MAP3K10: variants seen among roughly 807,000 people sequenced by gnomAD.
MAP3K10 encodes the protein MKN28 derived nonreceptor_type serine/threonine kinase.
In MAP3K10, 22 loss-of-function variants were observed where a neutral mutation model predicts 75.0. That is an observed-to-expected ratio of 0.29 (90% CI 0.21 to 0.42). MAP3K10 has a LOEUF of 0.42. Ranked by LOEUF, MAP3K10 falls within the 10% of genes least tolerant of loss-of-function variation. The pLI is 1.00. For missense variants in MAP3K10, 1,165 were observed against 1,379.8 expected (o/e 0.84, Z 2.47); for synonymous variants, 599 against 612.9 (o/e 0.98, Z 0.34).
At chr19:40,206,926 C>T (rs957326413) in intron 5 of MAP3K10, among the ~76,000 whole-genome samples, 2 of 152,050 alleles carry the variant, frequency 1.3e-5, no homozygotes, top group East Asian at 1.9e-4. Context: ...GGTGAAATCC[C>T]GCCTCTACTA....
rs1046744 is a variant in MAP3K10, at chr19:40,192,421, C to T, written c.390C>T (p.Asp130=). Residue 130 remains aspartate (D), a synonymous_variant, in exon 1 of 10, where the codon GAC becomes GAT. Transcript: ENST00000253055. The surrounding 1 kb of genome is among the most constrained non-coding windows in gnomAD (Gnocchi z 7.1). ...TGGCAGTCAAGGCCGCCCGGCTGGA[C>T]CCTGAGAAGGACCCGGCAGTGACAG... The part of the protein sequence containing the change: ...EEVAVKAARL[D]PEKDPAVTAE... 2 of 1,613,906 alleles carry T rather than the reference C, an allele frequency of 1.2e-6. No homozygotes were observed. Among genetic ancestry groups the T allele is most frequent in the Non-Finnish European group, 1.7e-6 (2 of 1,179,980 alleles).
chr19:40,214,040 C>T lies in MAP3K10; in HGVS notation c.2361C>T (p.Pro787=), dbSNP rs1317174116. 8 of 1,536,206 alleles carry T rather than the reference C, an allele frequency of 5.2e-6. No homozygotes were observed. The highest frequency in any genetic ancestry group is 4.2e-5 in the African/African-American group (3 of 72,100). Residue 787 remains proline (P), a synonymous_variant, in exon 9 of 10, where the codon CCC becomes CCT. Coordinates refer to ENST00000253055, the MANE Select transcript of MAP3K10 (RefSeq NM_002446.4). ...PPSPPAPTPT[P]SPSTNPLVDL... ...CCCCGCCCGCGCCCACACCCACGCCCTCGCCCAGCACCAACCCCCTGGTGG... is the reference window on the plus strand; with the variant it reads ...CCCCGCCCGCGCCCACACCCACGCCTTCGCCCAGCACCAACCCCCTGGTGG...
chr19:40,209,039 A>G (rs1490433271), intron 5 of MAP3K10, 64 bp from the exon 6 acceptor site: 2 of 1,206,894 alleles, frequency 1.7e-6, no homozygotes, highest in African/African-American at 3.0e-5. Flanking sequence ...CTTCTACAGA[A>G]GAAAATTCCC....
intron 5 of MAP3K10, among the ~76,000 whole-genome samples, chr19:40,208,363 T>TTTA (rs1555756666): frequency 1.8e-5 from 2 of 111,892 alleles, no homozygotes; most frequent in African/African-American, 3.6e-5. Context: ...TTTTTTTTTT[T>TTTA]TTTTTTGTAT....
intron 1 of MAP3K10, among the ~76,000 whole-genome samples, chr19:40,195,281 G>A (rs1243130967): frequency 2.0e-5 from 3 of 152,004 alleles, no homozygotes; most frequent in Non-Finnish European, 4.4e-5. Flanking sequence ...AAGGGGGACT[G>A]ACTTAGGCCC....
chr19:40,205,503 C>A lies in MAP3K10; in HGVS notation c.1188+207C>A. The A allele has an allele frequency of 1.7e-6, 1 of 584,536 alleles. No individual in the cohort carries two copies. The highest frequency in any genetic ancestry group is 3.0e-6 in the Non-Finnish European group (1 of 330,242). 36.2% of individuals were successfully genotyped at this position (584,536 alleles called of 1,614,324 possible). A position where few individuals can be genotyped will look rare whatever the true frequency, so the allele number is the denominator to read the frequency against. ...TGTACTGAAGTACTTACAGGTGACA[C>A]TGCATGATGTCTGGGGTTGGCTTTA... On this transcript the variant is annotated intron_variant, in intron 4 of 9. Transcript: ENST00000253055. This position sits in a 1 kb window ranked among gnomAD's most constrained non-coding sequence, Gnocchi z 4.3.
In MAP3K10 at chr19:40,198,591, G is replaced by T. The variant is rs1208775175; in HGVS notation, c.863+36G>T. ...GCGCGGCCGGGATGGCCTCTGGGGA[G>T]TAAGGGAGGGAGGAAGGGGTGAGGG... On this transcript the variant is annotated intron_variant, in intron 2 of 9. Transcript: ENST00000253055. The surrounding 1 kb of genome is among the most constrained non-coding windows in gnomAD (Gnocchi z 4.3). 1 of 1,570,856 alleles carries T rather than the reference G, an allele frequency of 6.4e-7. No individual in the cohort carries two copies. The highest frequency in any genetic ancestry group is 8.7e-7 in the Non-Finnish European group (1 of 1,152,464).
Position 40,212,982 on chromosome 19 carries a change from G to A in MAP3K10, c.1724+6G>A. 6.3e-7 allele frequency: 1 copy of A among 1,597,642 alleles called. No homozygotes were observed. Among genetic ancestry groups the A allele is most frequent in the Non-Finnish European group, 8.5e-7 (1 of 1,171,316 alleles). On this transcript the variant is annotated splice_donor_region_variant and intron_variant, in intron 7 of 9. Transcript: ENST00000253055. This position sits in a 1 kb window ranked among gnomAD's most constrained non-coding sequence, Gnocchi z 4.2. ...CGGGTGGGAGGAGAGGAGAGGTGAGGTGTGGTGTGGTCATGCCCACCCTGT... is the reference window on the plus strand; with the variant it reads ...CGGGTGGGAGGAGAGGAGAGGTGAGATGTGGTGTGGTCATGCCCACCCTGT...
In MAP3K10 at chr19:40,206,021, C is replaced by T; in HGVS notation, c.1299C>T (p.Ile433=). 1 of 1,613,192 alleles carries T rather than the reference C, an allele frequency of 6.2e-7. No individual in the cohort carries two copies. The highest frequency in any genetic ancestry group is 8.5e-7 in the Non-Finnish European group (1 of 1,179,582). Residue 433 remains isoleucine, a synonymous_variant, in exon 5 of 10, where the codon ATC becomes ATT. Coordinates refer to ENST00000253055, the MANE Select transcript of MAP3K10 (RefSeq NM_002446.4). ...EQELAEREMD[I]VERELHLLMC... The stretch of plus-strand genomic sequence containing the variant: ...AGCTGGCAGAACGTGAGATGGACAT[C>T]GTGGAACGGGAGCTGCACCTGCTCA...
At chr19:40,211,090 G>A (rs1226530802) in intron 6 of MAP3K10, among the ~76,000 whole-genome samples, 1 of 152,172 alleles carries the variant, frequency 6.6e-6, no homozygotes, top group Non-Finnish European at 1.5e-5. Context: ...GTTTGAGCAG[G>A]GACCTTCCTG....
Position 40,197,546 on chromosome 19 carries a change from G to A in MAP3K10, c.683-829G>A, listed in dbSNP as rs369462704. Among the ~76,000 whole-genome samples, 8 of 151,976 alleles carry A rather than the reference G, an allele frequency of 5.3e-5. No individual in the cohort carries two copies. The East Asian group carries it at 5.8e-4, about 11-fold the overall frequency. Reference sequence around the variant, plus strand: ...TCACCATGTTGGCCAGGCTGGTCTCGAACTCCTGACCTCAAGTGATCCGCC... The same window carrying A: ...TCACCATGTTGGCCAGGCTGGTCTCAAACTCCTGACCTCAAGTGATCCGCC... On this transcript the variant is annotated intron_variant, in intron 1 of 9. Transcript: ENST00000253055.
At position 40,205,221 on chromosome 19, in the gene MAP3K10, G is replaced by A. The variant is rs763996380; in HGVS notation, c.1113G>A (p.Glu371=). The stretch of plus-strand genomic sequence containing the variant: ...CAGCCCTGTTCCAGATGCCACTGGA[G>A]TCCTTCCACTCGCTGCAGGAAGACT... ...EQSALFQMPL[E]SFHSLQEDWK... Residue 371 remains glutamate, a synonymous_variant, in exon 4 of 10, where the codon GAG becomes GAA. Coordinates refer to ENST00000253055, the MANE Select transcript of MAP3K10 (RefSeq NM_002446.4). This position sits in a 1 kb window ranked among gnomAD's most constrained non-coding sequence, Gnocchi z 4.3. The A allele has an allele frequency of 1.2e-6, 2 of 1,614,122 alleles. No homozygotes were observed. Among genetic ancestry groups the A allele is most frequent in the Admixed American group, 3.3e-5 (2 of 60,002 alleles).
At position 40,191,539 on chromosome 19, in the gene MAP3K10, A is replaced by G. The variant is rs1426641771; in HGVS notation, c.-493A>G. Among the ~76,000 whole-genome samples, 1 of 147,578 alleles carries G rather than the reference A, an allele frequency of 6.8e-6. No individual in the cohort carries two copies. On this transcript the variant is annotated 5_prime_UTR_variant, in exon 1 of 10. An upstream open reading frame in the 5' UTR loses its in-frame stop. Coordinates refer to ENST00000253055, the MANE Select transcript of MAP3K10 (RefSeq NM_002446.4). ...GGGCCGCCCGGCTGCCCCGCGCGTG[A>G]GGAGGCCGAGGGGCGCGCCACCCCG...
intron 1 of MAP3K10, among the ~76,000 whole-genome samples, chr19:40,195,535 C>T (rs559095673): frequency 4.1e-5 from 5 of 121,826 alleles, no homozygotes; most frequent in Non-Finnish European, 4.8e-5. Flanking sequence ...ACTCTGTGAC[C>T]CAGGCTGGAG....
intron 5 of MAP3K10, chr19:40,206,420 T>C (rs1973124239): frequency 2.9e-6 from 1 of 346,552 alleles, no homozygotes; most frequent in African/African-American, 2.1e-5. Context: ...AAAAAAATTT[T>C]TTTTAATTAG....
Position 40,213,360 on chromosome 19 carries a change from C to T in MAP3K10, c.1838-157C>T, listed in dbSNP as rs1179741266. On this transcript the variant is annotated intron_variant, in intron 8 of 9. Transcript: ENST00000253055. The surrounding 1 kb of genome is among the most constrained non-coding windows in gnomAD (Gnocchi z 5.7). ...GGGTCATTTCCAGGGGCAGGGACCACCCTTCTCTGAGGCTTCTCCTGGAGA... is the reference window on the plus strand; with the variant it reads ...GGGTCATTTCCAGGGGCAGGGACCATCCTTCTCTGAGGCTTCTCCTGGAGA... The T allele has an allele frequency of 2.7e-6, 4 of 1,458,420 alleles. No individual in the cohort carries two copies. In the African/African-American group the frequency reaches 5.7e-5, roughly 21 times the overall value. The allele number at this position is 1,458,420 out of a possible 1,614,324, so 90.3% of individuals were successfully genotyped here. A position where few individuals can be genotyped will look rare whatever the true frequency, so the allele number is the denominator to read the frequency against.
intron 2 of MAP3K10, among the ~76,000 whole-genome samples, chr19:40,201,609 C>CA (rs1973023201): frequency 6.6e-6 from 1 of 150,990 alleles, no homozygotes. Flanking sequence ...CCTCCCACCT[C>CA]AGCCTCTCTA....
At chr19:40,193,620 C>G (rs1170810847) in intron 1 of MAP3K10, among the ~76,000 whole-genome samples, 1 of 152,184 alleles carries the variant, frequency 6.6e-6, no homozygotes, top group East Asian at 1.9e-4. Flanking sequence ...TTCATTCATT[C>G]CACAGATATT....
At chr19:40,210,752 G>A (rs1392356087) in intron 6 of MAP3K10, among the ~76,000 whole-genome samples, 3 of 151,958 alleles carry the variant, frequency 2.0e-5, no homozygotes, top group African/African-American at 7.2e-5. Context: ...CCAATGTCCA[G>A]TGTCTCAGGG....
Sources: allele counts gnomAD v4.1 joint callset (sites outside exome capture counted in the v4.1 genomes callset), GRCh38; gene constraint gnomAD v4.1.1; non-coding constraint Gnocchi (gnomAD v3.1); transcripts MANE v1.5; gene names NCBI Gene and HGNC (gene_info 2026-07-23, HGNC 2026-07-21).